Variants in CLCN1 observed in about 807,000 individuals in gnomAD.
CLCN1 encodes chloride channel protein 1.
In CLCN1, 100 loss-of-function variants were observed where a neutral mutation model predicts 114.5. The ratio of observed to expected loss-of-function variants is 0.87; its 90% CI spans 0.74 to 1.03. The LOEUF (loss-of-function observed/expected upper bound fraction) is 1.03. Ranked by LOEUF, CLCN1 falls within the 50% of genes least tolerant of loss-of-function variation. The pLI, the probability that CLCN1 is intolerant of heterozygous loss-of-function variation, is 0.00. For missense variants in CLCN1, 1,188 were observed against 1,250.0 expected, an observed-to-expected ratio of 0.95 and a Z score of 0.75; for synonymous variants, 485 against 487.1, an observed-to-expected ratio of 1.00 and a Z score of 0.06.
Position 143,320,553 on chromosome 7 carries a change from T to TTCTCTCTCTCTCTC in CLCN1, c.302-91_302-78dup, listed in dbSNP as rs59572880. On this transcript the variant is annotated intron_variant, in intron 2 of 22. Coordinates refer to ENST00000343257, the MANE Select transcript of CLCN1 (RefSeq NM_000083.3). The stretch of plus-strand genomic sequence containing the variant: ...TAAAGTAGTGACTCGTTAGCTGCTT[T>TTCTCTCTCTCTCTC]TCTCTCTCTCTCTCTCTCTCTCTCT... 2.3e-3 allele frequency: 1,553 copies of TTCTCTCTCTCTCTC among 673,852 alleles called. 3 individuals are homozygous for TTCTCTCTCTCTCTC. Among genetic ancestry groups the TTCTCTCTCTCTCTC allele is most frequent in the Middle Eastern group, 3.4e-3 (7 of 2,034 alleles). 41.7% of individuals were successfully genotyped at this position (673,852 alleles called of 1,614,324 possible).
At chr7:143,343,350 G>A (rs1160844166) in intron 16 of CLCN1, among the ~76,000 whole-genome samples, 1 of 152,142 alleles carries the variant, frequency 6.6e-6, no homozygotes, top group African/African-American at 2.4e-5. Context: ...ATGCAAAAAG[G>A]ATGGCACTAA....
In CLCN1 at chr7:143,321,097, C is replaced by T. The variant is rs1802418736; in HGVS notation, c.434-268C>T. On this transcript the variant is annotated intron_variant, in intron 3 of 22. Transcript: ENST00000343257. This position sits in a 1 kb window ranked among gnomAD's most constrained non-coding sequence, Gnocchi z 4.2. ...ACTGAACATCCCGAATCCCAGGAAG[C>T]CCCTTGGTTCTGGGCACACCGGGTG... is the stretch of plus-strand genomic sequence containing the variant. 6.6e-6 allele frequency among the ~76,000 whole-genome samples: 1 copy of T among 152,158 alleles called. No individual in the cohort carries two copies. The highest frequency in any genetic ancestry group is 2.4e-5 in the African/African-American group (1 of 41,454).
chr7:143,330,077 T>C (rs974055043), intron 7 of CLCN1, among the ~76,000 whole-genome samples: 1 of 152,194 alleles, frequency 6.6e-6, no homozygotes, highest in African/African-American at 2.4e-5. Context: ...TTCTTAAGCA[T>C]GATTGTTTTT....
In CLCN1 at chr7:143,324,559, A is replaced by T; in HGVS notation, c.853+67A>T. The T allele has an allele frequency of 1.8e-6, 2 of 1,138,746 alleles. No homozygotes were observed. Among genetic ancestry groups the T allele is most frequent in the Non-Finnish European group, 2.7e-6 (2 of 749,050 alleles). 70.5% of individuals were successfully genotyped at this position (1,138,746 alleles called of 1,614,324 possible). ...CCTGGCTCCCAAAACAGTTTTAATCAGTATCCACAAGTGCTGGTATTACCA... is the reference window on the plus strand; with the variant it reads ...CCTGGCTCCCAAAACAGTTTTAATCTGTATCCACAAGTGCTGGTATTACCA... On this transcript the variant is annotated intron_variant, in intron 7 of 22. Transcript: ENST00000343257. The surrounding 1 kb of genome is among the most constrained non-coding windows in gnomAD (Gnocchi z 4.6).
chr7:143,346,780 G>A, intron 19 of CLCN1, 122 bp downstream of exon 19: 1 of 1,189,852 alleles, frequency 8.4e-7, no homozygotes, highest in South Asian at 1.2e-5. Flanking sequence ...TTAATCATAT[G>A]GAAGGGATGA....
chr7:143,338,446 A>C (rs1292565118), intron 12 of CLCN1, among the ~76,000 whole-genome samples: 1 of 152,090 alleles, frequency 6.6e-6, no homozygotes, highest in African/African-American at 2.4e-5. Context: ...AAGCTCAATT[A>C]ATCACACAAT....
chr7:143,323,314 C>T lies in CLCN1; in HGVS notation c.702C>T (p.Pro234=). ...GSGIPVGKEG[P]FVHIASICAA... Reference sequence around the variant, plus strand: ...CCTCGCTCCCCCTCTCCCAGGGCCCCTTCGTCCACATTGCCAGCATCTGTG... The same window carrying T: ...CCTCGCTCCCCCTCTCCCAGGGCCCTTTCGTCCACATTGCCAGCATCTGTG... The change falls in exon 6 of 23, where the codon CCC becomes CCT. Residue 234 remains proline, a synonymous_variant. Transcript: ENST00000343257. 1.2e-6 allele frequency: 2 copies of T among 1,612,486 alleles called. No individual in the cohort carries two copies. The highest frequency in any genetic ancestry group is 1.7e-6 in the Non-Finnish European group (2 of 1,178,522).
Position 143,350,624 on chromosome 7 carries a change from G to A in CLCN1, c.2565G>A (p.Gly855=), listed in dbSNP as rs866583816. ...GLHLAYVTSM[G]KLRGVLALEE... is the part of the protein sequence containing the mutation. ...ACCTCGCTTACGTGACCAGCATGGGGAAGCTCAGGGGCGTCCTGGCCCTGG... is the reference window on the plus strand; with the variant it reads ...ACCTCGCTTACGTGACCAGCATGGGAAAGCTCAGGGGCGTCCTGGCCCTGG... The change falls in exon 22 of 23, where the codon GGG becomes GGA. Residue 855 remains glycine, a synonymous_variant. Transcript: ENST00000343257. The surrounding 1 kb of genome is among the most constrained non-coding windows in gnomAD (Gnocchi z 5.1). The A allele has an allele frequency of 6.2e-7, 1 of 1,614,174 alleles. No homozygotes were observed. The highest frequency in any genetic ancestry group is 1.7e-5 in the Admixed American group (1 of 60,022).
chr7:143,340,379 T>G (rs893190104), intron 14 of CLCN1, among the ~76,000 whole-genome samples: 2 of 152,220 alleles, frequency 1.3e-5, no homozygotes, highest in African/African-American at 2.4e-5. Context: ...GAACATTTCC[T>G]TGTATGCACG....
chr7:143,350,441 C>G lies in CLCN1; in HGVS notation c.2473C>G (p.Pro825Ala), dbSNP rs1803362122. 3 of 1,614,134 alleles carry G rather than the reference C, an allele frequency of 1.9e-6. 1 individual carries two copies. The highest frequency in any genetic ancestry group is 8.5e-7 in the Non-Finnish European group (1 of 1,179,964). The change falls in exon 21 of 23, where the codon CCC (proline) becomes GCC (alanine). Residue 825 changes from proline (P) to alanine (A), a missense_variant. Transcript: ENST00000343257. This position sits in a 1 kb window ranked among gnomAD's most constrained non-coding sequence, Gnocchi z 5.1. ...TGATTCCTGCTGTATTGACCAGTCT[C>G]CCTTCCAGCTGGTGGAGCAGACAAC... ...CFDSCCIDQS[P>A]FQLVEQTTLH...
In CLCN1 at chr7:143,316,364, G is replaced by T; in HGVS notation, c.152G>T (p.Gly51Val). ...CAGCACAGGCTCCGGAAGGATGCAG[G>T]CCCCCGCCACAACGTCCACCCCACA... ...GLQHRLRKDA[G>V]PRHNVHPTQI... is the part of the protein sequence containing the mutation. Residue 51 changes from glycine (G) to valine (V), a missense_variant, in exon 1 of 23, where the codon GGC becomes GTC. Gly to Val is a moderately radical substitution (Grantham distance 109). Coordinates refer to ENST00000343257, the MANE Select transcript of CLCN1 (RefSeq NM_000083.3). The T allele has an allele frequency of 6.4e-7, 1 of 1,566,660 alleles. No individual in the cohort carries two copies. The highest frequency in any genetic ancestry group is 2.3e-5 in the East Asian group (1 of 44,190).
At chr7:143,328,511 A>G (rs370635078) in intron 7 of CLCN1, among the ~76,000 whole-genome samples, 6 of 152,348 alleles carry the variant, frequency 3.9e-5, no homozygotes, top group African/African-American at 1.4e-4. Flanking sequence ...CGGAGCATAC[A>G]GTGACAGACT....
chr7:143,346,816 C>T, intron 19 of CLCN1, 95 bp from the exon 20 acceptor site: 1 of 1,318,208 alleles, frequency 7.6e-7, no homozygotes, highest in Non-Finnish European at 1.1e-6. Context: ...CATCGGTGGT[C>T]CTGGCCAGGG....
intron 22 of CLCN1, among the ~76,000 whole-genome samples, chr7:143,351,388 T>C (rs1738360208): frequency 6.6e-6 from 1 of 152,146 alleles, no homozygotes; most frequent in African/African-American, 2.4e-5. Context: ...GGATCTTTTG[T>C]CATGCCCCTT....
intron 3 of CLCN1, 148 bp downstream of exon 3, chr7:143,320,943 C>A (rs78543184): frequency 2.1e-6 from 2 of 930,862 alleles, no homozygotes; most frequent in African/African-American, 1.6e-5. Context: ...ACTCCAGGCC[C>A]AGAAAAGACC....
At chr7:143,347,408 G>T (rs1219661303) in intron 20 of CLCN1, among the ~76,000 whole-genome samples, 1 of 151,588 alleles carries the variant, frequency 6.6e-6, no homozygotes, top group South Asian at 2.1e-4. Flanking sequence ...ATCACCTGAG[G>T]TCAGGAGTTT....
intron 11 of CLCN1, 23 bp from the exon 12 acceptor site, chr7:143,332,701 C>T: frequency 6.2e-7 from 1 of 1,613,634 alleles, no homozygotes; most frequent in Non-Finnish European, 8.5e-7. Context: ...AGAACCCACC[C>T]TTTCTGCTTC....
At chr7:143,328,643 C>A (rs929483141) in intron 7 of CLCN1, among the ~76,000 whole-genome samples, 1 of 152,140 alleles carries the variant, frequency 6.6e-6, no homozygotes, top group African/African-American at 2.4e-5. Flanking sequence ...AAGCTGACTG[C>A]TTTTGTTACT....
chr7:143,345,620 T>C lies in CLCN1; in HGVS notation c.2030T>C (p.Met677Thr), dbSNP rs1258297683. The change falls in exon 17 of 23, where the codon ATG becomes ACG. Residue 677 changes from methionine to threonine, a missense_variant. Physicochemically the swap from Met to Thr is moderately conservative, Grantham distance 81 (BLOSUM62 -1). Transcript: ENST00000343257. Reference sequence around the variant, plus strand: ...CGCAGGCTGCGCGCAGCCCAAGAGATGGCGCGGAAGTTGTCGGAGCTGCCT... The same window carrying C: ...CGCAGGCTGCGCGCAGCCCAAGAGACGGCGCGGAAGTTGTCGGAGCTGCCT... ...PERRLRAAQE[M>T]ARKLSELPYD... is the part of the protein sequence containing the mutation. 3 of 1,559,652 alleles carry C rather than the reference T, an allele frequency of 1.9e-6. No homozygotes were observed. The highest frequency in any genetic ancestry group is 1.9e-5 in the Admixed American group (1 of 52,040).
Sources: gnomAD v4.1 joint callset for allele counts (sites outside exome capture counted in the v4.1 genomes callset) on GRCh38, gnomAD v4.1.1 for gene constraint, Gnocchi (gnomAD v3.1) non-coding constraint, MANE v1.5 for transcripts, NCBI Gene and HGNC (gene_info 2026-07-23, HGNC 2026-07-21) for gene names.